Variants in ACOT7 observed in about 807,000 individuals in gnomAD.
ACOT7 encodes cytosolic acyl coenzyme A thioester hydrolase.
In ACOT7, 12 loss-of-function variants were observed where a neutral mutation model predicts 40.2. The observed-to-expected ratio is 0.30, with a 90% confidence interval of 0.19 to 0.48. The LOEUF (loss-of-function observed/expected upper bound fraction) is 0.48. ACOT7 is among the 20% of genes least tolerant of loss of function. ACOT7 has a pLI of 0.99. For synonymous variants in ACOT7, 228 were observed against 219.5 expected, an observed-to-expected ratio of 1.04 and a Z score of -0.34; for missense variants, 395 against 530.8, an observed-to-expected ratio of 0.74 and a Z score of 2.51.
chr1:6,281,425 C>G, intron 7 of ACOT7, 139 bp from the exon 8 acceptor site: 1 of 704,430 alleles, frequency 1.4e-6, no homozygotes, highest in Non-Finnish European at 2.5e-6. Context: ...GTTCAAATAA[C>G]AGAATATTAG....
chr1:6,268,029 T>C (rs982595333), intron 8 of ACOT7, among the ~76,000 whole-genome samples: 10 of 152,184 alleles, frequency 6.6e-5, no homozygotes, highest in Non-Finnish European at 8.8e-5. Flanking sequence ...TTACACGAGA[T>C]GTCCAGGAGA....
intron 1 of ACOT7, among the ~76,000 whole-genome samples, chr1:6,389,310 T>C (rs1402395745): frequency 6.6e-6 from 1 of 152,114 alleles, no homozygotes; most frequent in Admixed American, 6.6e-5. Flanking sequence ...TTCACACATC[T>C]ACCTATAAAT....
chr1:6,339,151 C>T (rs1486205522), intron 3 of ACOT7, among the ~76,000 whole-genome samples: 3 of 151,756 alleles, frequency 2.0e-5, no homozygotes, highest in African/African-American at 7.3e-5. Context: ...TGGCCACGGG[C>T]AGCAGGACAG....
chr1:6,326,666 A>G (rs545476900), intron 5 of ACOT7, among the ~76,000 whole-genome samples: 74 of 152,258 alleles, frequency 4.9e-4, no homozygotes, highest in South Asian at 1.5e-3. Context: ...TGGTTCACAC[A>G]TGTAATCTCA....
rs2148464915 is a variant in ACOT7 at position 6,359,190 on chromosome 1, T to C, written c.144-9324A>G. 2 of 230,312 alleles carry C rather than the reference T, an allele frequency of 8.7e-6. No homozygotes were observed. The highest frequency in any genetic ancestry group is 4.6e-5 in the African/African-American group (2 of 43,670). The allele number at this position is 230,312 out of a possible 1,614,324, so 14.3% of individuals were successfully genotyped here. A position where few individuals can be genotyped will look rare whatever the true frequency, so the allele number is the denominator to read the frequency against. On this transcript the variant is annotated intron_variant, in intron 1 of 8. Transcript: ENST00000361521. The surrounding 1 kb of genome is among the most constrained non-coding windows in gnomAD (Gnocchi z 4.1). ...GGGAAGCGGCTATGAGGCTCTGCCT[T>C]CTCTGACAGGGCACAAGACCCCCTA...
intron 6 of ACOT7, among the ~76,000 whole-genome samples, chr1:6,315,544 G>T (rs1034836801): frequency 6.6e-6 from 1 of 152,052 alleles, no homozygotes; most frequent in Non-Finnish European, 1.5e-5. Flanking sequence ...GGGGTCAGGA[G>T]ATCGAGACCA....
Position 6,274,531 on chromosome 1 carries a change from G to C in ACOT7, c.1014+6571C>G, listed in dbSNP as rs934086490. ...CTTACCCGGCCCCTGCACTCATGCA[G>C]GTGAACCAGCTGAGGCCAGGAGAAG... On this transcript the variant is annotated intron_variant, in intron 8 of 8. Coordinates refer to ENST00000361521, the MANE Select transcript of ACOT7 (RefSeq NM_007274.4). The surrounding 1 kb of genome is among the most constrained non-coding windows in gnomAD (Gnocchi z 5.9). Among the ~76,000 whole-genome samples the C allele has an allele frequency of 2.0e-5, 3 of 152,262 alleles. No individual in the cohort carries two copies. Among genetic ancestry groups the C allele is most frequent in the African/African-American group, 7.2e-5 (3 of 41,470 alleles).
chr1:6,383,488 G>A (rs188907274), intron 1 of ACOT7, among the ~76,000 whole-genome samples: 1 of 150,956 alleles, frequency 6.6e-6, no homozygotes, highest in African/African-American at 2.4e-5. Flanking sequence ...CGCCCGGCCT[G>A]ATGGCAGATT....
At chr1:6,360,693 A>T (rs997101577) in intron 1 of ACOT7, 1 of 1,613,870 alleles carries the variant, frequency 6.2e-7, no homozygotes, top group Non-Finnish European at 8.5e-7. Flanking sequence ...CAGAAGCTGC[A>T]GCCAAATGGA....
chr1:6,362,067 GT>G (rs1375095422), intron 1 of ACOT7, among the ~76,000 whole-genome samples: 2 of 152,350 alleles, frequency 1.3e-5, no homozygotes, highest in East Asian at 3.9e-4. Flanking sequence ...TCGAGGTTGT[GT>G]CTGGTTTCTA....
chr1:6,302,780 G>C (rs1326859088), intron 6 of ACOT7, among the ~76,000 whole-genome samples: 2 of 152,030 alleles, frequency 1.3e-5, no homozygotes, highest in African/African-American at 2.4e-5. Context: ...GCCACCGAGA[G>C]AGAGCAATGA....
intron 1 of ACOT7, among the ~76,000 whole-genome samples, chr1:6,377,303 A>G (rs902373188): frequency 6.6e-6 from 1 of 152,196 alleles, no homozygotes; most frequent in African/African-American, 2.4e-5. Flanking sequence ...TGGGAGGCTG[A>G]GGCGGGAAGA....
intron 4 of ACOT7, among the ~76,000 whole-genome samples, chr1:6,332,359 G>A (rs1640978777): frequency 6.6e-6 from 1 of 152,148 alleles, no homozygotes; most frequent in African/African-American, 2.4e-5. Context: ...AATGAACTTG[G>A]GGCACAGGAG....
At chr1:6,290,519 A>G (rs1234436330) in intron 7 of ACOT7, among the ~76,000 whole-genome samples, 1 of 152,218 alleles carries the variant, frequency 6.6e-6, no homozygotes, top group African/African-American at 2.4e-5. Context: ...GGATGTGCCC[A>G]GTCTACCTGC....
intron 3 of ACOT7, among the ~76,000 whole-genome samples, chr1:6,335,958 C>T (rs1641089723): frequency 1.3e-5 from 2 of 152,204 alleles, no homozygotes. Flanking sequence ...GCCCTCTGGA[C>T]CTAAATGAAC....
In ACOT7 at chr1:6,378,925, T is replaced by C. The variant is rs1183304588; in HGVS notation, c.143+14332A>G. ...TTTTTTTTTTCTTTGAGACGGAGTC[T>C]TGCTCTGTTGCCCAGGCTGGAGTGC... On this transcript the variant is annotated intron_variant, in intron 1 of 8. Coordinates refer to ENST00000361521, the MANE Select transcript of ACOT7 (RefSeq NM_007274.4). 3.3e-5 allele frequency among the ~76,000 whole-genome samples: 5 copies of C among 151,792 alleles called. No homozygotes were observed. In the South Asian group the frequency reaches 1.0e-3, roughly 32 times the overall value.
At chr1:6,272,914 T>A (rs1034080894) in intron 8 of ACOT7, among the ~76,000 whole-genome samples, 1 of 152,140 alleles carries the variant, frequency 6.6e-6, no homozygotes, top group Non-Finnish European at 1.5e-5. Flanking sequence ...ACAGCCCCCC[T>A]CCTGGCAGTG....
At position 6,330,882 on chromosome 1, in the gene ACOT7, C is replaced by A. The variant is rs186575072; in HGVS notation, c.510+2595G>T. ...TCAGATGCTGAAGCCAGGCATGGGG[C>A]CTGGGAGAGATTTCAGAACTGGGTA... On this transcript the variant is annotated intron_variant, in intron 4 of 8. Transcript: ENST00000361521. This position sits in a 1 kb window ranked among gnomAD's most constrained non-coding sequence, Gnocchi z 4.6. 1.0e-3 allele frequency among the ~76,000 whole-genome samples: 156 copies of A among 152,332 alleles called. No individual in the cohort carries two copies. Among genetic ancestry groups the A allele is most frequent in the South Asian group, 3.3e-3 (16 of 4,828 alleles).
In ACOT7 at chr1:6,338,900, G is replaced by C. The variant is rs555412554; in HGVS notation, c.418+533C>G. 6.6e-6 allele frequency among the ~76,000 whole-genome samples: 1 copy of C among 152,302 alleles called. No homozygotes were observed. The highest frequency in any genetic ancestry group is 1.9e-4 in the East Asian group (1 of 5,174). ...TGCAGCGCCCAGTGGGAAGGGGAAG[G>C]GGGTTTCCATGGTTACCATGGCCAA... On this transcript the variant is annotated intron_variant, in intron 3 of 8. Transcript: ENST00000361521. This position sits in a 1 kb window ranked among gnomAD's most constrained non-coding sequence, Gnocchi z 4.4.
Sources: gnomAD v4.1 joint callset for allele counts (sites outside exome capture counted in the v4.1 genomes callset) on GRCh38, gnomAD v4.1.1 for gene constraint, Gnocchi (gnomAD v3.1) non-coding constraint, MANE v1.5 for transcripts, NCBI Gene and HGNC (gene_info 2026-07-23, HGNC 2026-07-21) for gene names.